SOS1: variants seen among roughly 807,000 people sequenced by gnomAD.
SOS1 encodes the protein son of sevenless homolog 1.
In SOS1, 25 loss-of-function variants were observed where a neutral mutation model predicts 157.6. That is an observed-to-expected ratio of 0.16 (90% CI 0.12 to 0.22). The LOEUF (loss-of-function observed/expected upper bound fraction) is 0.22, where lower values mean the gene tolerates loss of function less well. Among genes scored for constraint, SOS1 ranks in the 10% least tolerant of loss-of-function variants. The pLI is 1.00. For synonymous variants in SOS1, 528 were observed against 534.0 expected, an observed-to-expected ratio of 0.99 and a Z score of 0.16; for missense variants, 1,237 against 1,599.1, an observed-to-expected ratio of 0.77 and a Z score of 3.86.
At chr2:39,090,011 A>G (rs451964) in intron 1 of SOS1, among the ~76,000 whole-genome samples, 138,641 of 149,796 alleles carry the variant, frequency 0.93, 64,302 homozygotes, top group African/African-American at 0.97. Flanking sequence ...ATGGTGGCAC[A>G]CGCTTGTAAT....
intron 17 of SOS1, among the ~76,000 whole-genome samples, chr2:39,005,254 T>C (rs1669248207): frequency 6.6e-6 from 1 of 152,196 alleles, no homozygotes; most frequent in Non-Finnish European, 1.5e-5. Flanking sequence ...CATGGATAAC[T>C]GAAACCGTGG....
intron 8 of SOS1, chr2:39,034,948 TTA>T (rs1670291206): frequency 1.9e-6 from 1 of 527,428 alleles, no homozygotes; most frequent in Non-Finnish European, 3.5e-6. Context: ...GACAATTGCT[TTA>T]ACATTCACTA....
intron 1 of SOS1, among the ~76,000 whole-genome samples, chr2:39,114,083 T>C (rs1372414573): frequency 6.6e-6 from 1 of 151,936 alleles, no homozygotes; most frequent in Non-Finnish European, 1.5e-5. Context: ...GACTCTTTCT[T>C]TTCTTTCTAT....
At chr2:39,010,804 A>C in intron 14 of SOS1, 101 bp from the exon 15 acceptor site, 1 of 926,452 alleles carries the variant, frequency 1.1e-6, no homozygotes, top group South Asian at 1.4e-5. Flanking sequence ...CTCTCATATG[A>C]ACTTTCCTCT....
upstream of SOS1, among the ~76,000 whole-genome samples, chr2:39,121,345 G>A (rs1052877742): frequency 3.3e-5 from 5 of 152,182 alleles, no homozygotes; most frequent in Admixed American, 3.3e-4. Context: ...TTTCGGAAAG[G>A]GGTGTGTGTA....
intron 1 of SOS1, among the ~76,000 whole-genome samples, chr2:39,074,934 G>C (rs1446212842): frequency 6.6e-6 from 1 of 151,494 alleles, no homozygotes; most frequent in African/African-American, 2.4e-5. Flanking sequence ...GGGAAACTAA[G>C]TTGGACCATG....
In SOS1 at chr2:38,982,626, TGAAG is replaced by T. The variant is rs1170247436; in HGVS notation, c.*3194_*3197del. On this transcript the variant is annotated 3_prime_UTR_variant, in exon 23 of 23. Transcript: ENST00000402219. ...TGGTTAAACTGTTTCTTTCTAAATC[TGAAG>T]GAACAAAAAGGTTTTCTTCAATATG... is the stretch of plus-strand genomic sequence containing the variant. 1 of 152,152 alleles carries T rather than the reference TGAAG, an allele frequency of 6.6e-6. No individual in the cohort carries two copies. Among genetic ancestry groups the T allele is most frequent in the Non-Finnish European group, 1.5e-5 (1 of 67,994 alleles). 9.4% of individuals were successfully genotyped at this position (152,152 alleles called of 1,614,324 possible). A position where few individuals can be genotyped will look rare whatever the true frequency, so the allele number is the denominator to read the frequency against.
intron 2 of SOS1, among the ~76,000 whole-genome samples, chr2:39,067,355 A>G (rs1157418092): frequency 1.3e-5 from 2 of 152,126 alleles, no homozygotes; most frequent in Non-Finnish European, 2.9e-5. Context: ...GCTCACTGGA[A>G]CACATCAGAG....
At chr2:39,112,469 T>A (rs1463686152) in intron 1 of SOS1, among the ~76,000 whole-genome samples, 1 of 152,052 alleles carries the variant, frequency 6.6e-6, no homozygotes, top group African/African-American at 2.4e-5. Flanking sequence ...GGCTTTTGTT[T>A]TGTTTTGTTT....
chr2:39,011,316 C>T (rs1463858378), intron 14 of SOS1, among the ~76,000 whole-genome samples: 3 of 152,126 alleles, frequency 2.0e-5, no homozygotes, highest in Non-Finnish European at 4.4e-5. Flanking sequence ...TTTCCCAGCA[C>T]TTATAAACAT....
At chr2:39,043,801 A>G (rs1670659420) in intron 6 of SOS1, among the ~76,000 whole-genome samples, 1 of 152,090 alleles carries the variant, frequency 6.6e-6, no homozygotes, top group Non-Finnish European at 1.5e-5. Flanking sequence ...ACCTTATCTA[A>G]TCCTAATTAC....
At chr2:39,041,725 C>G (rs1670579191) in intron 6 of SOS1, among the ~76,000 whole-genome samples, 1 of 152,140 alleles carries the variant, frequency 6.6e-6, no homozygotes, top group Non-Finnish European at 1.5e-5. Flanking sequence ...ATTTGTGCTT[C>G]CCTTATAACT....
chr2:39,016,786 A>G (rs902348920), intron 10 of SOS1, among the ~76,000 whole-genome samples: 4 of 152,142 alleles, frequency 2.6e-5, no homozygotes, highest in African/African-American at 9.7e-5. Context: ...CTCAAATGCC[A>G]TGAAAATCAG....
intron 8 of SOS1, among the ~76,000 whole-genome samples, chr2:39,024,386 T>C (rs973980096): frequency 6.6e-6 from 1 of 152,130 alleles, no homozygotes; most frequent in African/African-American, 2.4e-5. Context: ...CAGTAATATG[T>C]AGTTTTTCAA....
intron 15 of SOS1, among the ~76,000 whole-genome samples, chr2:39,009,527 C>T (rs1391905674): frequency 6.6e-6 from 1 of 152,088 alleles, no homozygotes; most frequent in East Asian, 1.9e-4. Context: ...CTGACTTAAA[C>T]AACTGTATAA....
chr2:39,061,801 G>A (rs571697032), intron 2 of SOS1, among the ~76,000 whole-genome samples: 5 of 152,202 alleles, frequency 3.3e-5, no homozygotes, highest in Non-Finnish European at 7.4e-5. Context: ...TATTAAATGA[G>A]AAACTCTATC....
chr2:39,093,856 T>C (rs1048105721), intron 1 of SOS1, among the ~76,000 whole-genome samples: 4 of 152,224 alleles, frequency 2.6e-5, no homozygotes, highest in African/African-American at 9.6e-5. Flanking sequence ...CAAAAGTTCA[T>C]TGCTATAGTT....
intron 17 of SOS1, among the ~76,000 whole-genome samples, chr2:39,001,926 A>G (rs1443281102): frequency 1.3e-5 from 2 of 152,250 alleles, no homozygotes; most frequent in African/African-American, 2.4e-5. Flanking sequence ...CAAACTACCT[A>G]CATGTTTGTA....
At chr2:38,987,860 A>G (rs927912751) in intron 21 of SOS1, 2 of 376,476 alleles carry the variant, frequency 5.3e-6, no homozygotes, top group African/African-American at 2.1e-5. Flanking sequence ...TGGTTACTCT[A>G]TTATTGAAAT....
Sources: allele counts gnomAD v4.1 joint callset (sites outside exome capture counted in the v4.1 genomes callset), GRCh38; gene constraint gnomAD v4.1.1; transcripts MANE v1.5; gene names NCBI Gene and HGNC (gene_info 2026-07-23, HGNC 2026-07-21).